The following CEP112 variants were observed in gnomAD, a reference collection of about 807,000 sequenced individuals.
CEP112 encodes centrosomal protein 112.
A neutral mutation model predicts 153.0 loss-of-function variants in CEP112; 127 were observed. The observed-to-expected ratio is 0.83, with a 90% CI of 0.72 to 0.96. The LOEUF is 0.96. CEP112 is among the 40% of genes least tolerant of loss of function. CEP112 has a pLI of 0.00. For missense variants in CEP112, 1,089 were observed against 1,101.2 expected (o/e 0.99, Z 0.16); for synonymous variants, 358 against 374.4 (o/e 0.96, Z 0.51).
intron 19 of CEP112, among the ~76,000 whole-genome samples, chr17:65,914,719 G>T (rs2060410765): frequency 6.6e-6 from 1 of 151,996 alleles, no homozygotes; most frequent in South Asian, 2.1e-4. Flanking sequence ...TTCTCTAGTG[G>T]ATCAGTCTCA....
At chr17:65,907,215 C>T (rs2060116197) in intron 19 of CEP112, among the ~76,000 whole-genome samples, 1 of 152,156 alleles carries the variant, frequency 6.6e-6, no homozygotes. Context: ...AATGTACTTT[C>T]ACAGTAACTT....
intron 17 of CEP112, among the ~76,000 whole-genome samples, chr17:65,996,721 G>C (rs921148247): frequency 4.6e-5 from 7 of 152,054 alleles, no homozygotes; most frequent in Non-Finnish European, 1.0e-4. Flanking sequence ...CTAAAGTATA[G>C]TTCATTCATG....
intron 19 of CEP112, among the ~76,000 whole-genome samples, chr17:65,926,043 A>T (rs1302411441): frequency 6.6e-6 from 1 of 152,238 alleles, no homozygotes; most frequent in Admixed American, 6.5e-5. Context: ...AGAAGAAAAT[A>T]AAACTTTGTA....
chr17:65,970,020 C>T (rs1413563188), intron 17 of CEP112, among the ~76,000 whole-genome samples: 1 of 152,144 alleles, frequency 6.6e-6, no homozygotes, highest in African/African-American at 2.4e-5. Context: ...GTATTGCGAA[C>T]ATGCACGCCA....
intron 24 of CEP112, among the ~76,000 whole-genome samples, chr17:65,648,386 A>G (rs2045554961): frequency 6.6e-6 from 1 of 152,226 alleles, no homozygotes; most frequent in African/African-American, 2.4e-5. Context: ...TCTTTATAAC[A>G]TGGTGCCCAT....
At chr17:65,902,121 A>G (rs1568196990) in intron 20 of CEP112, 31 bp downstream of exon 20, 6 of 1,542,294 alleles carry the variant, frequency 3.9e-6, no homozygotes, top group Non-Finnish European at 5.3e-6. Context: ...AAAAACAGAT[A>G]CCCGTTTTAT....
chr17:65,716,944 G>A (rs1173827625), intron 23 of CEP112, among the ~76,000 whole-genome samples: 2 of 152,150 alleles, frequency 1.3e-5, no homozygotes, highest in Non-Finnish European at 2.9e-5. Flanking sequence ...TACAGGTCTG[G>A]ATTCTAGAAA....
chr17:65,836,856 G>A (rs1376071834), intron 21 of CEP112, among the ~76,000 whole-genome samples: 1 of 106,378 alleles, frequency 9.4e-6, no homozygotes, highest in Non-Finnish European at 1.8e-5. Context: ...ATGCCCAGCC[G>A]AGGCTGGACT....
chr17:65,837,216 G>A (rs1435094667), intron 21 of CEP112, among the ~76,000 whole-genome samples: 5 of 151,424 alleles, frequency 3.3e-5, no homozygotes, highest in Middle Eastern at 3.4e-3. Flanking sequence ...GCCTCTGCCC[G>A]GCCGCCACCC....
At chr17:65,775,555 G>A (rs1422517645) in intron 21 of CEP112, among the ~76,000 whole-genome samples, 19 of 152,000 alleles carry the variant, frequency 1.3e-4, no homozygotes. Context: ...AGGCTGGAGT[G>A]CAGCGGGTGC....
intron 4 of CEP112, among the ~76,000 whole-genome samples, chr17:66,164,640 A>T (rs148261834): frequency 6.6e-6 from 1 of 151,158 alleles, no homozygotes; most frequent in South Asian, 2.1e-4. Context: ...TATGGATCAC[A>T]ACGTCAGGCA....
chr17:66,172,618 T>C (rs2072292935), intron 4 of CEP112, among the ~76,000 whole-genome samples: 1 of 152,200 alleles, frequency 6.6e-6, no homozygotes, highest in South Asian at 2.1e-4. Flanking sequence ...GATATTCTCA[T>C]TGTATTTTCT....
rs1041467960 is a variant in CEP112 at position 65,863,939 on chromosome 17, C to T, written c.2164-11905G>A. 4.6e-5 allele frequency among the ~76,000 whole-genome samples: 7 copies of T among 151,226 alleles called. No homozygotes were observed. In the South Asian group the frequency reaches 6.3e-4, roughly 14 times the overall value. On this transcript the variant is annotated intron_variant, in intron 20 of 26. Coordinates refer to ENST00000535342, the MANE Select transcript of CEP112 (RefSeq NM_001199165.4). ...CAAGCAGATCATGAGGTGAAGAGAT[C>T]GAGACCAACCTGGCCAACATGGTGA...
At chr17:66,008,466 G>A (rs9675125) in intron 16 of CEP112, among the ~76,000 whole-genome samples, 140,688 of 151,906 alleles carry the variant, frequency 0.93, 65,382 homozygotes, top group East Asian at 0.97. Context: ...TGATCCCCCC[G>A]TATCAGCCCC....
chr17:65,687,408 C>T (rs749620325), intron 24 of CEP112, among the ~76,000 whole-genome samples: 4 of 152,008 alleles, frequency 2.6e-5, no homozygotes, highest in Non-Finnish European at 4.4e-5. Context: ...CTCGTTGATC[C>T]GCCCACCTTG....
intron 6 of CEP112, among the ~76,000 whole-genome samples, chr17:66,101,773 G>A (rs1418154282): frequency 6.6e-6 from 1 of 151,756 alleles, no homozygotes; most frequent in African/African-American, 2.4e-5. Context: ...AATACATGCT[G>A]GAAAAAAATG....
At position 66,029,258 on chromosome 17, in the gene CEP112, A is replaced by C. The variant is rs2065356971; in HGVS notation, c.1374-6T>G. ...CTTTATGCAGTGTGTTACGCCTAAAAACAAGAGAATAAAATAGACTTTCAA... is the reference window on the plus strand; with the variant it reads ...CTTTATGCAGTGTGTTACGCCTAAACACAAGAGAATAAAATAGACTTTCAA... On this transcript the variant is annotated splice_region_variant and splice_polypyrimidine_tract_variant and intron_variant, in intron 13 of 26. Coordinates refer to ENST00000535342, the MANE Select transcript of CEP112 (RefSeq NM_001199165.4). 2 of 1,604,274 alleles carry C rather than the reference A, an allele frequency of 1.2e-6. No homozygotes were observed. The highest frequency in any genetic ancestry group is 1.3e-5 in the African/African-American group (1 of 74,384).
intron 6 of CEP112, among the ~76,000 whole-genome samples, chr17:66,097,658 A>G (rs2068404047): frequency 6.6e-6 from 1 of 152,168 alleles, no homozygotes; most frequent in Non-Finnish European, 1.5e-5. Flanking sequence ...CAGAAGGAGT[A>G]CTGGGATGAC....
chr17:65,657,104 GGGAGTTGGTTTCATCA>G (rs1445617931), intron 24 of CEP112, among the ~76,000 whole-genome samples: 1 of 152,142 alleles, frequency 6.6e-6, no homozygotes, highest in Non-Finnish European at 1.5e-5. Context: ...CCCGAAGGAG[GGGAGTTGGTTTCATCA>G]TGCTCTTTCC....
Sources: allele counts gnomAD v4.1 joint callset (sites outside exome capture counted in the v4.1 genomes callset), GRCh38; gene constraint gnomAD v4.1.1; transcripts MANE v1.5; gene names NCBI Gene and HGNC (gene_info 2026-07-23, HGNC 2026-07-21).